The following ATF2 variants were observed in gnomAD, a reference collection of about 807,000 sequenced individuals.
The protein encoded by ATF2 is cyclic AMP-dependent transcription factor ATF-2.
A neutral mutation model predicts 60.6 loss-of-function variants in ATF2; 24 were observed. The ratio of observed to expected loss-of-function variants is 0.40; its 90% CI spans 0.29 to 0.56. The LOEUF (loss-of-function observed/expected upper bound fraction) is 0.56, where lower values mean the gene tolerates loss of function less well. Ranked by LOEUF, ATF2 falls within the 20% of genes least tolerant of loss-of-function variation. The probability of loss-of-function intolerance (pLI) is 0.54; values close to 1 mark genes in which losing one functional copy is unlikely to be tolerated. For synonymous variants in ATF2, 206 were observed against 215.4 expected (o/e 0.96, Z 0.38); for missense variants, 433 against 607.7 (o/e 0.71, Z 3.02).
chr2:175,114,225 C>T, intron 8 of ATF2, 117 bp from the exon 9 acceptor site: 1 of 1,415,482 alleles, frequency 7.1e-7, no homozygotes, highest in Admixed American at 3.3e-5. Context: ...ATTTTCTAAC[C>T]ACAGCAAAGC....
At chr2:175,141,500 T>C (rs1183724748) in intron 2 of ATF2, among the ~76,000 whole-genome samples, 1 of 152,108 alleles carries the variant, frequency 6.6e-6, no homozygotes, top group Non-Finnish European at 1.5e-5. Flanking sequence ...TCTTTTCTTT[T>C]TTTTCTTTTC....
chr2:175,167,407 G>A (rs1234575960), intron 1 of ATF2, among the ~76,000 whole-genome samples: 1 of 151,784 alleles, frequency 6.6e-6, no homozygotes, highest in Non-Finnish European at 1.5e-5. Context: ...TGGGGGTAGC[G>A]GGATTGTGAG....
chr2:175,101,675 G>A (rs1695321977), intron 10 of ATF2, among the ~76,000 whole-genome samples: 5 of 152,122 alleles, frequency 3.3e-5, no homozygotes, highest in Admixed American at 3.3e-4. Context: ...ATCTTTAGTA[G>A]GGCAAGTTAC....
chr2:175,094,719 G>C (rs1694801909), intron 11 of ATF2, among the ~76,000 whole-genome samples: 1 of 152,102 alleles, frequency 6.6e-6, no homozygotes, highest in Admixed American at 6.5e-5. Context: ...TACAAAGAGA[G>C]TTATTTCATG....
intron 2 of ATF2, among the ~76,000 whole-genome samples, chr2:175,148,569 C>A (rs1699100460): frequency 6.6e-6 from 1 of 152,118 alleles, no homozygotes; most frequent in Admixed American, 6.6e-5. Flanking sequence ...AAGTGGAGGT[C>A]CCACAGGCCT....
intron 12 of ATF2, among the ~76,000 whole-genome samples, chr2:175,082,759 C>T (rs1693848032): frequency 6.6e-6 from 1 of 152,158 alleles, no homozygotes; most frequent in African/African-American, 2.4e-5. Context: ...CAGTATTTGT[C>T]TTGACTTACA....
At chr2:175,091,238 T>C (rs1694525944) in intron 12 of ATF2, among the ~76,000 whole-genome samples, 1 of 152,180 alleles carries the variant, frequency 6.6e-6, no homozygotes, top group Non-Finnish European at 1.5e-5. Context: ...TTGACTGATT[T>C]ATGTAACAAT....
At chr2:175,143,617 G>A (rs1031111536) in intron 2 of ATF2, among the ~76,000 whole-genome samples, 2 of 152,146 alleles carry the variant, frequency 1.3e-5, no homozygotes, top group Non-Finnish European at 2.9e-5. Context: ...TACCAGCAGA[G>A]AAAGACCTCA....
chr2:175,093,456 C>G (rs990919113), intron 11 of ATF2, among the ~76,000 whole-genome samples, 189 bp from the exon 12 acceptor site: 2 of 152,052 alleles, frequency 1.3e-5, no homozygotes, highest in Non-Finnish European at 2.9e-5. Context: ...ATGTTATGAG[C>G]TATGCTATAA....
At position 175,103,677 on chromosome 2, in the gene ATF2, T is replaced by TAA. The variant is rs75197426; in HGVS notation, c.829-6086_829-6085dup. ...ATATTTCTCAGTTTGTCACACATCT[T>TAA]AAAAAAAAAAAAAAAAAAGATTCTG... On this transcript the variant is annotated intron_variant, in intron 10 of 13. Transcript: ENST00000264110. Among the ~76,000 whole-genome samples the TAA allele has an allele frequency of 1.4e-3, 183 of 129,886 alleles. 2 individuals are homozygous for TAA. The highest frequency in any genetic ancestry group is 0.012 in the South Asian group (49 of 3,974). The allele number at this position is 129,886 out of a possible 152,430, so 85.2% of individuals were successfully genotyped here.
chr2:175,087,056 CTT>C (rs920327997), intron 12 of ATF2, among the ~76,000 whole-genome samples: 11 of 151,986 alleles, frequency 7.2e-5, no homozygotes, highest in Admixed American at 3.9e-4. Flanking sequence ...CACAAAAAGA[CTT>C]AATATTAAAT....
chr2:175,100,838 C>CA (rs1170032196), intron 10 of ATF2, among the ~76,000 whole-genome samples: 2 of 152,152 alleles, frequency 1.3e-5, no homozygotes, highest in African/African-American at 4.8e-5. Context: ...GGTCCCATTC[C>CA]AGCCAATGGA....
intron 10 of ATF2, among the ~76,000 whole-genome samples, chr2:175,098,688 T>C (rs1455270952): frequency 6.6e-6 from 1 of 152,150 alleles, no homozygotes; most frequent in African/African-American, 2.4e-5. Flanking sequence ...CTTCCTTCCC[T>C]GAGTACAGCA....
intron 12 of ATF2, 99 bp from the exon 13 acceptor site, chr2:175,080,864 C>G (rs900473101): frequency 2.3e-6 from 2 of 876,072 alleles, no homozygotes; most frequent in African/African-American, 3.4e-5. Flanking sequence ...ACATCACTGG[C>G]AGAACATTAA....
At chr2:175,127,381 A>C (rs76086731) in intron 4 of ATF2, 6,126 of 154,524 alleles carry the variant, frequency 0.04, 391 homozygotes, top group African/African-American at 0.14. Context: ...AGAAAAATAT[A>C]TATGTCAAAT....
chr2:175,126,118 T>C (rs1235772590), intron 4 of ATF2, among the ~76,000 whole-genome samples: 2 of 152,220 alleles, frequency 1.3e-5, no homozygotes, highest in Non-Finnish European at 2.9e-5. Context: ...GCTACTCTTA[T>C]CATAGTCTCT....
chr2:175,148,403 T>C (rs986028195), intron 2 of ATF2, among the ~76,000 whole-genome samples: 2 of 142,010 alleles, frequency 1.4e-5, no homozygotes, highest in Admixed American at 7.0e-5. Flanking sequence ...TGAGGCACAA[T>C]AAAGCACAGT....
intron 2 of ATF2, among the ~76,000 whole-genome samples, chr2:175,141,886 A>C (rs1449012932): frequency 6.6e-6 from 1 of 152,154 alleles, no homozygotes; most frequent in African/African-American, 2.4e-5. Context: ...ATATTCCTCC[A>C]TACAAACTGT....
chr2:175,102,358 T>G (rs1355199077), intron 10 of ATF2, among the ~76,000 whole-genome samples: 1 of 152,226 alleles, frequency 6.6e-6, no homozygotes, highest in East Asian at 1.9e-4. Context: ...TCAATTAAGT[T>G]AAGCATCTGA....
Sources: allele counts gnomAD v4.1 joint callset (sites outside exome capture counted in the v4.1 genomes callset), GRCh38; gene constraint gnomAD v4.1.1; transcripts MANE v1.5; gene names NCBI Gene and HGNC (gene_info 2026-07-23, HGNC 2026-07-21).